THSD4: variants seen among roughly 807,000 people sequenced by gnomAD.
THSD4 encodes the protein thrombospondin type 1 domain containing 4.
A neutral mutation model predicts 119.0 loss-of-function variants in THSD4; 69 were observed. The ratio of observed to expected loss-of-function variants is 0.58; its 90% CI spans 0.48 to 0.71. The LOEUF (loss-of-function observed/expected upper bound fraction) is 0.71, where lower values mean the gene tolerates loss of function less well. Among genes scored for constraint, THSD4 ranks in the 30% least tolerant of loss-of-function variants. THSD4 has a pLI of 0.00. For missense variants in THSD4, 1,393 were observed against 1,391.1 expected (o/e 1.00, Z -0.02); for synonymous variants, 524 against 540.4 (o/e 0.97, Z 0.42).
At chr15:71,297,306 TCTC>T (rs2044875895) in intron 6 of THSD4, among the ~76,000 whole-genome samples, 1 of 143,762 alleles carries the variant, frequency 7.0e-6, no homozygotes, top group Non-Finnish European at 1.5e-5. Context: ...AGTCCTTTGC[TCTC>T]CTCTTCTTTT....
chr15:71,416,016 C>G (rs1376108001), intron 7 of THSD4, among the ~76,000 whole-genome samples: 2 of 152,138 alleles, frequency 1.3e-5, no homozygotes, highest in African/African-American at 4.8e-5. Context: ...AGGCTGGTCT[C>G]GAACTCCTGA....
chr15:71,532,132 G>C (rs146266225), intron 7 of THSD4, among the ~76,000 whole-genome samples: 13 of 152,270 alleles, frequency 8.5e-5, no homozygotes, highest in African/African-American at 2.6e-4. Flanking sequence ...GACATGCAAC[G>C]GTGGTCACTG....
At chr15:71,438,505 C>T (rs2047045929) in intron 7 of THSD4, among the ~76,000 whole-genome samples, 1 of 152,152 alleles carries the variant, frequency 6.6e-6, no homozygotes, top group Admixed American at 6.5e-5. Flanking sequence ...TTACCTTTTA[C>T]ATTAATTCAT....
intron 7 of THSD4, among the ~76,000 whole-genome samples, chr15:71,413,371 A>G (rs911536087): frequency 2.0e-5 from 3 of 152,268 alleles, no homozygotes; most frequent in Non-Finnish European, 2.9e-5. Flanking sequence ...TAGTCACCCT[A>G]TTGTGCTACC....
chr15:71,569,460 C>T (rs2049308531), intron 7 of THSD4, among the ~76,000 whole-genome samples: 1 of 152,082 alleles, frequency 6.6e-6, no homozygotes, highest in Non-Finnish European at 1.5e-5. Flanking sequence ...ATAATGCCTT[C>T]ATTCTAAAAA....
At chr15:71,728,495 T>C in intron 8 of THSD4, 54 bp from the exon 9 acceptor site, 2 of 1,594,256 alleles carry the variant, frequency 1.3e-6, no homozygotes, top group Non-Finnish European at 1.7e-6. Flanking sequence ...GTCAGTTCTG[T>C]TTCTTGTGCA....
chr15:71,210,812 C>T (rs571664040), intron 3 of THSD4, among the ~76,000 whole-genome samples: 1 of 152,138 alleles, frequency 6.6e-6, no homozygotes, highest in Non-Finnish European at 1.5e-5. Context: ...GAATCTACCT[C>T]ATCCTACCAG....
intron 6 of THSD4, among the ~76,000 whole-genome samples, chr15:71,353,266 G>T (rs774210576): frequency 1.6e-4 from 24 of 152,142 alleles, no homozygotes; most frequent in Non-Finnish European, 3.4e-4. Context: ...CATAAAATCT[G>T]TATGTGATAC....
chr15:71,278,076 C>G (rs755772511), intron 6 of THSD4, among the ~76,000 whole-genome samples: 1 of 152,244 alleles, frequency 6.6e-6, no homozygotes, highest in Non-Finnish European at 1.5e-5. Context: ...CACTGTGTAA[C>G]TTTGTTGACA....
chr15:71,621,756 A>C (rs1022988470), intron 7 of THSD4, among the ~76,000 whole-genome samples: 7 of 152,246 alleles, frequency 4.6e-5, no homozygotes, highest in African/African-American at 1.7e-4. Context: ...ACACAGTGCC[A>C]TATAACAAAA....
chr15:71,716,561 GGTGT>G (rs57999390), intron 8 of THSD4, among the ~76,000 whole-genome samples: 26 of 144,616 alleles, frequency 1.8e-4, no homozygotes, highest in Non-Finnish European at 3.5e-4. Flanking sequence ...TAGAGTGTGG[GGTGT>G]GTGTGTGTGT....
rs555848280 is a variant in THSD4, at chr15:71,193,932, C to T, written c.100-21103C>T. 5.9e-5 allele frequency among the ~76,000 whole-genome samples: 9 copies of T among 152,218 alleles called. No homozygotes were observed. In the East Asian group the frequency reaches 7.7e-4, roughly 13 times the overall value. On this transcript the variant is annotated intron_variant, in intron 3 of 17. Coordinates refer to ENST00000261862, the MANE Select transcript of THSD4 (RefSeq NM_024817.3). ...TTCACCGTGTTAGCCAGGATGATCT[C>T]GATCTCCTGACCCCATGATCTGCCC...
Position 71,767,836 on chromosome 15 carries a change from G to C in THSD4, c.2769+2637G>C, listed in dbSNP as rs71395028. ...ATATCTTTTTCTAGCAGGCAGCAAGGAAGTTCTTAAACACAACAGAGCTCA... is the reference window on the plus strand; with the variant it reads ...ATATCTTTTTCTAGCAGGCAGCAAGCAAGTTCTTAAACACAACAGAGCTCA... On this transcript the variant is annotated intron_variant, in intron 16 of 17. Coordinates refer to ENST00000261862, the MANE Select transcript of THSD4 (RefSeq NM_024817.3). Among the ~76,000 whole-genome samples the C allele has an allele frequency of 2.6e-5, 4 of 152,272 alleles. No individual in the cohort carries two copies. The South Asian group carries it at 8.3e-4, about 32-fold the overall frequency.
intron 7 of THSD4, among the ~76,000 whole-genome samples, chr15:71,492,285 G>A (rs2140702595): frequency 6.6e-6 from 1 of 151,934 alleles, no homozygotes; most frequent in South Asian, 2.1e-4. Context: ...TTATTTTCGA[G>A]ATGGAGTCTT....
chr15:71,524,424 G>A (rs911311730), intron 7 of THSD4, among the ~76,000 whole-genome samples: 1 of 152,128 alleles, frequency 6.6e-6, no homozygotes, highest in African/African-American at 2.4e-5. Flanking sequence ...CACCCAGTGT[G>A]CCAACTCTGC....
rs530819242 is a variant in THSD4, at chr15:71,746,406, T to G, written c.2037-432T>G. Among the ~76,000 whole-genome samples, 11 of 152,260 alleles carry G rather than the reference T, an allele frequency of 7.2e-5. No individual in the cohort carries two copies. In the South Asian group the frequency reaches 1.7e-3, roughly 23 times the overall value. On this transcript the variant is annotated intron_variant, in intron 12 of 17. Transcript: ENST00000261862. ...ACTTTTTCTTTTTCTTTTTCTTTTC[T>G]TTTTTTGAGACAGGGTCCTACTCCA...
chr15:71,512,735 CTTT>C (rs944610583), intron 7 of THSD4, among the ~76,000 whole-genome samples: 2 of 148,074 alleles, frequency 1.4e-5, no homozygotes, highest in African/African-American at 4.9e-5. Context: ...AATTCTTTTC[CTTT>C]TTTTTCTTTT....
chr15:71,230,481 G>A (rs766870986), intron 4 of THSD4, among the ~76,000 whole-genome samples: 4 of 152,228 alleles, frequency 2.6e-5, no homozygotes, highest in Non-Finnish European at 4.4e-5. Flanking sequence ...TTTACAGAGC[G>A]TTCACTGAGG....
intron 7 of THSD4, among the ~76,000 whole-genome samples, chr15:71,446,037 C>A (rs537125486): frequency 6.6e-6 from 1 of 152,192 alleles, no homozygotes; most frequent in Non-Finnish European, 1.5e-5. Context: ...CTTCAACTCT[C>A]CCAAAAGAAA....
Sources: gnomAD v4.1 joint callset for allele counts (sites outside exome capture counted in the v4.1 genomes callset) on GRCh38, gnomAD v4.1.1 for gene constraint, MANE v1.5 for transcripts, NCBI Gene and HGNC (gene_info 2026-07-23, HGNC 2026-07-21) for gene names.